Variants in N4BP2L2 observed in about 807,000 individuals in gnomAD.
The protein encoded by N4BP2L2 is NEDD4-binding protein 2-like 2.
Under a neutral mutation model 56.2 loss-of-function variants are expected in N4BP2L2, and 50 were observed. The observed-to-expected ratio is 0.89, with a 90% CI of 0.71 to 1.13. The LOEUF (loss-of-function observed/expected upper bound fraction) is 1.13. N4BP2L2 is among the 50% of genes most tolerant of loss of function. The probability of loss-of-function intolerance (pLI) is 0.00; values close to 1 mark genes in which losing one functional copy is unlikely to be tolerated. For synonymous variants in N4BP2L2, 203 were observed against 223.6 expected (o/e 0.91, Z 0.82); for missense variants, 689 against 693.8 (o/e 0.99, Z 0.08).
At chr13:32,451,690 G>A (rs1470288026) in intron 6 of N4BP2L2, among the ~76,000 whole-genome samples, 1 of 151,116 alleles carries the variant, frequency 6.6e-6, no homozygotes, top group Non-Finnish European at 1.5e-5. Flanking sequence ...CCACAGGTAT[G>A]TGCCACCATG....
At chr13:32,517,696 T>C in exon 6 of N4BP2L2, 1 of 1,447,542 alleles carries the variant, frequency 6.9e-7, no homozygotes, top group Non-Finnish European at 9.1e-7. Flanking sequence ...ACATCCTTTG[T>C]GAGGCACTGT....
At chr13:32,479,149 A>T (rs1593726526) in intron 6 of N4BP2L2, among the ~76,000 whole-genome samples, 2 of 152,248 alleles carry the variant, frequency 1.3e-5, no homozygotes, top group Middle Eastern at 6.8e-3. Context: ...AAAAAAATAA[A>T]AAAGAACGTT....
intron 7 of N4BP2L2, among the ~76,000 whole-genome samples, chr13:32,439,572 T>C (rs1397392423): frequency 6.6e-6 from 1 of 152,104 alleles, no homozygotes; most frequent in African/African-American, 2.4e-5. Flanking sequence ...CCCCCAAAAT[T>C]TTACATACAA....
intron 6 of N4BP2L2, among the ~76,000 whole-genome samples, chr13:32,453,756 AG>A (rs1384233676): frequency 1.3e-5 from 2 of 152,240 alleles, no homozygotes; most frequent in Non-Finnish European, 2.9e-5. Context: ...TTTAGTACCA[AG>A]GGTGGCAGAA....
chr13:32,497,608 C>T (rs563132963), intron 6 of N4BP2L2, among the ~76,000 whole-genome samples: 3 of 152,330 alleles, frequency 2.0e-5, no homozygotes, highest in African/African-American at 4.8e-5. Context: ...ACCAAAGTCA[C>T]AGCCACCCTG....
intron 2 of N4BP2L2, among the ~76,000 whole-genome samples, chr13:32,532,213 C>T (rs1183515809): frequency 6.6e-6 from 1 of 152,192 alleles, no homozygotes; most frequent in Non-Finnish European, 1.5e-5. Flanking sequence ...TTCAGCCTAC[C>T]ATTGCAAATA....
At chr13:32,457,804 G>A (rs957549784) in intron 6 of N4BP2L2, among the ~76,000 whole-genome samples, 1 of 152,108 alleles carries the variant, frequency 6.6e-6, no homozygotes, top group Non-Finnish European at 1.5e-5. Flanking sequence ...CACTGGTAGA[G>A]CAAACACAAA....
chr13:32,464,180 TG>T (rs1176013680), intron 6 of N4BP2L2, among the ~76,000 whole-genome samples: 1 of 152,234 alleles, frequency 6.6e-6, no homozygotes, highest in East Asian at 1.9e-4. Flanking sequence ...ATGTAATCTG[TG>T]ACAACAACAA....
intron 6 of N4BP2L2, among the ~76,000 whole-genome samples, chr13:32,479,578 GC>G (rs1381335244): frequency 1.3e-5 from 2 of 150,534 alleles, no homozygotes; most frequent in Non-Finnish European, 2.9e-5. Context: ...ACTGCGCCCC[GC>G]CAGTAATTAT....
At chr13:32,474,328 A>G (rs1483516822) in intron 6 of N4BP2L2, among the ~76,000 whole-genome samples, 1 of 151,986 alleles carries the variant, frequency 6.6e-6, no homozygotes, top group African/African-American at 2.4e-5. Context: ...TTTCCTTAAT[A>G]AAAAGTTGGA....
intron 6 of N4BP2L2, among the ~76,000 whole-genome samples, chr13:32,503,044 G>C (rs1312272202): frequency 6.6e-6 from 1 of 151,528 alleles, no homozygotes; most frequent in African/African-American, 2.4e-5. Context: ...GTGGTGGTAG[G>C]CACCTGTAAT....
chr13:32,508,776 CTTTT>C (rs559274809), downstream of N4BP2L2: 4 of 152,150 alleles, frequency 2.6e-5, no homozygotes, highest in African/African-American at 7.2e-5. Flanking sequence ...TGTGTGTTTT[CTTTT>C]TTTAAGTTAC....
At chr13:32,472,193 G>A (rs1267190250) in intron 6 of N4BP2L2, among the ~76,000 whole-genome samples, 1 of 152,196 alleles carries the variant, frequency 6.6e-6, no homozygotes, top group Non-Finnish European at 1.5e-5. Flanking sequence ...CATCACAAGT[G>A]ACCAAGAGGA....
At chr13:32,506,650 T>C (rs2090997218), downstream of N4BP2L2, 1 of 152,122 alleles carries the variant, frequency 6.6e-6, no homozygotes, top group Non-Finnish European at 1.5e-5. Flanking sequence ...CAAGAAAACT[T>C]TGAAGAGCTC....
chr13:32,490,399 G>T (rs184709352), intron 6 of N4BP2L2, among the ~76,000 whole-genome samples: 1 of 152,224 alleles, frequency 6.6e-6, no homozygotes, highest in African/African-American at 2.4e-5. Context: ...CCGTCTCCCA[G>T]GTTCAAGCAA....
At chr13:32,537,545 C>T (rs1379165798) in intron 1 of N4BP2L2, among the ~76,000 whole-genome samples, 2 of 152,170 alleles carry the variant, frequency 1.3e-5, no homozygotes, top group African/African-American at 2.4e-5. Context: ...CAACCAATCT[C>T]CTTAGCATCC....
chr13:32,536,496 C>A lies in N4BP2L2; in HGVS notation c.532G>T (p.Glu178Ter), dbSNP rs1254926108. 1 of 1,612,652 alleles carries A rather than the reference C, an allele frequency of 6.2e-7. No individual in the cohort carries two copies. Among genetic ancestry groups the A allele is most frequent in the South Asian group, 1.1e-5 (1 of 90,608 alleles). ...TTTTCCTTTTCAAGCTCTTCAATTT[C>A]TTTGTAAAACTGGAATAATTCATTG... is the stretch of plus-strand genomic sequence containing the variant. Residue 178 changes from glutamate (E) to a stop codon, truncating the protein, a stop_gained, in exon 2 of 6, where the codon GAA (glutamate) becomes TAA (stop). Transcript: ENST00000267068. LOFTEE classifies it high-confidence loss of function.
intron 2 of N4BP2L2, among the ~76,000 whole-genome samples, chr13:32,530,440 T>C (rs2054393801): frequency 6.6e-6 from 1 of 152,154 alleles, no homozygotes; most frequent in Non-Finnish European, 1.5e-5. Flanking sequence ...TCTTAGACTG[T>C]CAGAACTCTC....
intron 7 of N4BP2L2, among the ~76,000 whole-genome samples, chr13:32,439,784 G>A (rs1043632683): frequency 6.6e-6 from 1 of 151,264 alleles, no homozygotes; most frequent in Admixed American, 6.6e-5. Flanking sequence ...AGGCCGAGGT[G>A]GGTGGATCAT....
Sources: allele counts gnomAD v4.1 joint callset (sites outside exome capture counted in the v4.1 genomes callset), GRCh38; gene constraint gnomAD v4.1.1; transcripts MANE v1.5; gene names NCBI Gene and HGNC (gene_info 2026-07-23, HGNC 2026-07-21).